The following NKAIN2 variants were observed in gnomAD, a reference collection of about 807,000 sequenced individuals.
NKAIN2 encodes the protein sodium/potassium-transporting ATPase subunit beta-1-interacting protein 2.
Under a neutral mutation model 32.6 loss-of-function variants are expected in NKAIN2, and 14 were observed. The observed-to-expected ratio is 0.43, with a 90% CI of 0.28 to 0.67. The LOEUF (loss-of-function observed/expected upper bound fraction) is 0.67. NKAIN2 is among the 30% of genes least tolerant of loss of function. The pLI is 0.17. For synonymous variants in NKAIN2, 80 were observed against 87.2 expected (o/e 0.92, Z 0.46); for missense variants, 198 against 258.3 (o/e 0.77, Z 1.60).
At chr6:124,641,230 A>G (rs961175862) in intron 3 of NKAIN2, among the ~76,000 whole-genome samples, 3 of 152,204 alleles carry the variant, frequency 2.0e-5, no homozygotes, top group Non-Finnish European at 2.9e-5. Flanking sequence ...CAGAATGTTA[A>G]TAGGAAGTTA....
chr6:124,355,361 A>G lies in NKAIN2; in HGVS notation c.273+14A>G, dbSNP rs780659763. On this transcript the variant is annotated intron_variant, in intron 3 of 6. Coordinates refer to ENST00000368417, the MANE Select transcript of NKAIN2 (RefSeq NM_001040214.3). ...GACCTCTCAAAGGTAATTTACATCT[A>G]ATTTGCCTGAGTCATCAGTAGGGTG... is the stretch of plus-strand genomic sequence containing the variant. 1.1e-5 allele frequency: 16 copies of G among 1,483,198 alleles called. No homozygotes were observed. In the East Asian group the frequency reaches 3.6e-4, roughly 34 times the overall value. 91.9% of individuals were successfully genotyped at this position (1,483,198 alleles called of 1,614,324 possible).
At position 124,314,026 on chromosome 6, in the gene NKAIN2, G is replaced by C. The variant is rs1451627841; in HGVS notation, c.192+30884G>C. 2.0e-5 allele frequency among the ~76,000 whole-genome samples: 3 copies of C among 152,224 alleles called. No homozygotes were observed. The East Asian group carries it at 5.8e-4, about 30-fold the overall frequency. ...GGGAAAAGGGCACAAACTAGGTTAA[G>C]GCTGAAGGTCCACACCTTTCAGTTT... On this transcript the variant is annotated intron_variant, in intron 2 of 6. Coordinates refer to ENST00000368417, the MANE Select transcript of NKAIN2 (RefSeq NM_001040214.3).
chr6:123,983,621 A>C (rs938776580), intron 1 of NKAIN2, among the ~76,000 whole-genome samples: 2 of 152,162 alleles, frequency 1.3e-5, no homozygotes, highest in Non-Finnish European at 2.9e-5. Flanking sequence ...GGATTGTCTA[A>C]TACCCACTAT....
At position 124,721,228 on chromosome 6, in the gene NKAIN2, C is replaced by T. The variant is rs1012398299; in HGVS notation, c.474+62842C>T. Among the ~76,000 whole-genome samples the T allele has an allele frequency of 5.3e-5, 8 of 151,940 alleles. No homozygotes were observed. In the South Asian group the frequency reaches 1.7e-3, roughly 32 times the overall value. On this transcript the variant is annotated intron_variant, in intron 4 of 6. Coordinates refer to ENST00000368417, the MANE Select transcript of NKAIN2 (RefSeq NM_001040214.3). ...TCAGGAGATCGAGACCACGGTGAAA[C>T]CCCGTCTCTACTAAAAATACAAAAA...
At chr6:124,107,603 G>A (rs1316652572) in intron 1 of NKAIN2, among the ~76,000 whole-genome samples, 1 of 152,096 alleles carries the variant, frequency 6.6e-6, no homozygotes, top group African/African-American at 2.4e-5. Flanking sequence ...GTACAGTGTT[G>A]TTAACTATAG....
At chr6:123,836,706 C>T (rs1774641623) in intron 1 of NKAIN2, among the ~76,000 whole-genome samples, 1 of 151,384 alleles carries the variant, frequency 6.6e-6, no homozygotes, top group Non-Finnish European at 1.5e-5. Context: ...TAGTTTAGTT[C>T]ATTGTAATGT....
chr6:124,202,621 A>C (rs1392749141), intron 1 of NKAIN2, among the ~76,000 whole-genome samples: 2 of 151,924 alleles, frequency 1.3e-5, no homozygotes, highest in African/African-American at 4.8e-5. Context: ...GCCTATTAAA[A>C]ATTAAAAAAG....
At position 124,085,537 on chromosome 6, in the gene NKAIN2, G is replaced by A. The variant is rs368697372; in HGVS notation, c.55-197468G>A. Among the ~76,000 whole-genome samples, 5 of 151,938 alleles carry A rather than the reference G, an allele frequency of 3.3e-5. No individual in the cohort carries two copies. The East Asian group carries it at 9.7e-4, about 29-fold the overall frequency. On this transcript the variant is annotated intron_variant, in intron 1 of 6. Transcript: ENST00000368417. ...GGAGATGCCTGTCTTGGTGGTCTTG[G>A]TGAGTGGAACACTTTTCTTGGCCCC...
chr6:124,309,047 T>C (rs1459306845), intron 2 of NKAIN2, among the ~76,000 whole-genome samples: 1 of 152,124 alleles, frequency 6.6e-6, no homozygotes, highest in Non-Finnish European at 1.5e-5. Context: ...CTATTTTACC[T>C]TTGAAATTTG....
At chr6:123,950,889 T>A (rs1032541029) in intron 1 of NKAIN2, among the ~76,000 whole-genome samples, 1 of 151,918 alleles carries the variant, frequency 6.6e-6, no homozygotes, top group Non-Finnish European at 1.5e-5. Flanking sequence ...AGATTATTTA[T>A]TTGGAATCTT....
intron 4 of NKAIN2, among the ~76,000 whole-genome samples, chr6:124,748,852 T>TA (rs1415982134): frequency 1.5e-3 from 19 of 13,060 alleles, no homozygotes; most frequent in Middle Eastern, 0.091. Flanking sequence ...AACTTCTAAT[T>TA]TAAAAAAAAA....
At chr6:124,056,525 T>C (rs1291317028) in intron 1 of NKAIN2, among the ~76,000 whole-genome samples, 1 of 151,968 alleles carries the variant, frequency 6.6e-6, no homozygotes, top group African/African-American at 2.4e-5. Context: ...TTCCACTCTT[T>C]GCAGTGCATA....
intron 3 of NKAIN2, among the ~76,000 whole-genome samples, chr6:124,574,668 A>C (rs927187794): frequency 6.6e-6 from 1 of 152,134 alleles, no homozygotes; most frequent in East Asian, 1.9e-4. Context: ...AACACCAGTG[A>C]AAATGGCAAA....
rs145029182 is a variant in NKAIN2 at position 124,101,339 on chromosome 6, C to G, written c.55-181666C>G. Among the ~76,000 whole-genome samples the G allele has an allele frequency of 4.0e-3, 611 of 152,146 alleles. 3 individuals are homozygous for G. The highest frequency in any genetic ancestry group is 0.014 in the African/African-American group (572 of 41,506). Reference sequence around the variant, plus strand: ...GGAGATTCTACCCTCAAACACAGACCCAAATAGGCTGTATTGGTCACCATT... The same window carrying G: ...GGAGATTCTACCCTCAAACACAGACGCAAATAGGCTGTATTGGTCACCATT... On this transcript the variant is annotated intron_variant, in intron 1 of 6. Transcript: ENST00000368417.
intron 3 of NKAIN2, among the ~76,000 whole-genome samples, chr6:124,455,142 C>T (rs892245644): frequency 1.3e-5 from 2 of 151,974 alleles, no homozygotes; most frequent in Non-Finnish European, 2.9e-5. Context: ...CATCGGTGTT[C>T]TGAAACATGT....
In NKAIN2 at chr6:124,103,863, G is replaced by A. The variant is rs950780497; in HGVS notation, c.55-179142G>A. Among the ~76,000 whole-genome samples the A allele has an allele frequency of 9.9e-5, 15 of 152,174 alleles. No individual in the cohort carries two copies. In the South Asian group the frequency reaches 1.7e-3, roughly 17 times the overall value. The stretch of plus-strand genomic sequence containing the variant: ...AGCACTTTGAGAGGCCGAGGTGGGC[G>A]GATCATGAGATCAGGAGATCGAGAC... On this transcript the variant is annotated intron_variant, in intron 1 of 6. Coordinates refer to ENST00000368417, the MANE Select transcript of NKAIN2 (RefSeq NM_001040214.3).
At chr6:124,529,825 CAA>C (rs1779454578) in intron 3 of NKAIN2, among the ~76,000 whole-genome samples, 1 of 152,176 alleles carries the variant, frequency 6.6e-6, no homozygotes, top group African/African-American at 2.4e-5. Context: ...CCATTAGAGA[CAA>C]AGAGTCTCTG....
chr6:124,576,012 G>T (rs1781319378), intron 3 of NKAIN2, among the ~76,000 whole-genome samples: 1 of 152,144 alleles, frequency 6.6e-6, no homozygotes, highest in Non-Finnish European at 1.5e-5. Context: ...AACTGTTGAG[G>T]TAGAAATTGT....
chr6:124,451,817 G>A (rs1261991297), intron 3 of NKAIN2, among the ~76,000 whole-genome samples: 1 of 152,106 alleles, frequency 6.6e-6, no homozygotes, highest in Admixed American at 6.6e-5. Flanking sequence ...AGTGCTTCAA[G>A]GGAAGAGATG....
Sources: allele counts gnomAD v4.1 joint callset (sites outside exome capture counted in the v4.1 genomes callset), GRCh38; gene constraint gnomAD v4.1.1; transcripts MANE v1.5; gene names NCBI Gene and HGNC (gene_info 2026-07-23, HGNC 2026-07-21).